The following CNTNAP2 variants were observed in gnomAD, a reference collection of about 807,000 sequenced individuals.
CNTNAP2 encodes the protein contactin-associated protein-like 2.
Under a neutral mutation model 155.2 loss-of-function variants are expected in CNTNAP2, and 98 were observed. The observed-to-expected ratio is 0.63, with a 90% CI of 0.54 to 0.75. CNTNAP2 has a LOEUF of 0.75. CNTNAP2 is among the 30% of genes least tolerant of loss of function. The pLI is 0.00. For missense variants in CNTNAP2, 1,727 were observed against 1,688.1 expected, an observed-to-expected ratio of 1.02 and a Z score of -0.40; for synonymous variants, 651 against 631.2, an observed-to-expected ratio of 1.03 and a Z score of -0.47.
chr7:146,472,311 C>T (rs1796811494), intron 1 of CNTNAP2, among the ~76,000 whole-genome samples: 1 of 152,146 alleles, frequency 6.6e-6, no homozygotes, highest in Non-Finnish European at 1.5e-5. Context: ...GTATATTCTG[C>T]ATCCAAATAA....
At chr7:146,673,014 A>G (rs1800335731) in intron 1 of CNTNAP2, among the ~76,000 whole-genome samples, 1 of 152,074 alleles carries the variant, frequency 6.6e-6, no homozygotes, top group African/African-American at 2.4e-5. Context: ...TTTTCTTATC[A>G]AAATTCTTCC....
chr7:147,154,138 G>T (rs901491451), intron 8 of CNTNAP2, among the ~76,000 whole-genome samples: 1 of 151,810 alleles, frequency 6.6e-6, no homozygotes, highest in Admixed American at 6.6e-5. Flanking sequence ...TTACCCACTA[G>T]ATGTAATAAC....
In CNTNAP2 at chr7:148,390,022, C is replaced by T. The variant is rs370906336; in HGVS notation, c.3715+6134C>T. Among the ~76,000 whole-genome samples, 19 of 152,056 alleles carry T rather than the reference C, an allele frequency of 1.2e-4. 1 individual carries two copies. The highest frequency in any genetic ancestry group is 4.6e-4 in the African/African-American group (19 of 41,476). Reference sequence around the variant, plus strand: ...GTGACCAAGGTCAAGAATCACTCACCAAATGAAAGAAGGGTCCCTTTGGTA... The same window carrying T: ...GTGACCAAGGTCAAGAATCACTCACTAAATGAAAGAAGGGTCCCTTTGGTA... On this transcript the variant is annotated intron_variant, in intron 22 of 23. Coordinates refer to ENST00000361727, the MANE Select transcript of CNTNAP2 (RefSeq NM_014141.6).
intron 15 of CNTNAP2, among the ~76,000 whole-genome samples, chr7:147,980,365 A>G (rs1438089842): frequency 2.0e-5 from 3 of 152,224 alleles, no homozygotes; most frequent in African/African-American, 7.2e-5. Context: ...ACCTATTATC[A>G]AAATAAACTT....
chr7:146,973,533 T>C (rs1797846578), intron 3 of CNTNAP2, among the ~76,000 whole-genome samples: 1 of 152,226 alleles, frequency 6.6e-6, no homozygotes, highest in African/African-American at 2.4e-5. Flanking sequence ...ATATTGACTT[T>C]TAAGGATAAT....
chr7:146,622,484 T>C (rs953943139), intron 1 of CNTNAP2, among the ~76,000 whole-genome samples: 1 of 152,122 alleles, frequency 6.6e-6, no homozygotes, highest in Non-Finnish European at 1.5e-5. Context: ...TGCATATCTA[T>C]AAATTTCTAT....
At chr7:146,776,514 G>A (rs988528237) in intron 2 of CNTNAP2, among the ~76,000 whole-genome samples, 1 of 152,170 alleles carries the variant, frequency 6.6e-6, no homozygotes, top group Admixed American at 6.5e-5. Context: ...TCGACTAAAC[G>A]ATGTAGGAGC....
intron 8 of CNTNAP2, among the ~76,000 whole-genome samples, chr7:147,141,656 T>C (rs1801600325): frequency 6.6e-6 from 1 of 152,110 alleles, no homozygotes; most frequent in African/African-American, 2.4e-5. Flanking sequence ...CTAAAGTCAC[T>C]AACCTTGGCC....
chr7:147,413,399 G>A (rs1797136211), intron 10 of CNTNAP2, among the ~76,000 whole-genome samples: 1 of 152,146 alleles, frequency 6.6e-6, no homozygotes. Context: ...AGGAAAATGA[G>A]AATGTGGTAG....
chr7:146,906,213 C>T (rs1049535833), intron 3 of CNTNAP2, among the ~76,000 whole-genome samples: 15 of 151,452 alleles, frequency 9.9e-5, no homozygotes, highest in East Asian at 3.9e-4. Flanking sequence ...AAGGCGGCAG[C>T]GAGGCTGGGG....
At chr7:147,380,647 A>G (rs1281799034) in intron 9 of CNTNAP2, among the ~76,000 whole-genome samples, 2 of 152,152 alleles carry the variant, frequency 1.3e-5, no homozygotes, top group African/African-American at 2.4e-5. Context: ...TGGCTCGCCA[A>G]TTTCAAAGCA....
chr7:147,096,492 G>A (rs1360874161), intron 4 of CNTNAP2, among the ~76,000 whole-genome samples: 1 of 152,038 alleles, frequency 6.6e-6, no homozygotes, highest in Non-Finnish European at 1.5e-5. Flanking sequence ...TCTCTTTTTG[G>A]TTGATTTTCT....
chr7:146,696,008 C>T (rs1421073374), intron 1 of CNTNAP2, among the ~76,000 whole-genome samples: 1 of 152,064 alleles, frequency 6.6e-6, no homozygotes, highest in East Asian at 1.9e-4. Context: ...CATTTCTTAA[C>T]AGATCTTAGT....
At chr7:146,675,057 C>G (rs1800374022) in intron 1 of CNTNAP2, among the ~76,000 whole-genome samples, 1 of 152,104 alleles carries the variant, frequency 6.6e-6, no homozygotes, top group Non-Finnish European at 1.5e-5. Flanking sequence ...CTCTTTCACC[C>G]CAACCAACAA....
intron 13 of CNTNAP2, among the ~76,000 whole-genome samples, chr7:147,736,297 A>T (rs1396460147): frequency 1.3e-5 from 2 of 151,876 alleles, no homozygotes; most frequent in South Asian, 2.1e-4. Flanking sequence ...GTTTGTCTGG[A>T]TGTGAAATTC....
At chr7:146,382,048 T>A (rs1480490445) in intron 1 of CNTNAP2, among the ~76,000 whole-genome samples, 2 of 152,166 alleles carry the variant, frequency 1.3e-5, no homozygotes, top group Non-Finnish European at 1.5e-5. Context: ...TTTGGTAGCA[T>A]TAAAGAAAGC....
intron 10 of CNTNAP2, among the ~76,000 whole-genome samples, chr7:147,398,491 T>C (rs976686449): frequency 1.3e-5 from 2 of 151,004 alleles, no homozygotes; most frequent in Non-Finnish European, 2.9e-5. Flanking sequence ...TTGGAGATAA[T>C]AGTCACAGCT....
intron 13 of CNTNAP2, among the ~76,000 whole-genome samples, chr7:147,773,110 G>T (rs989955498): frequency 6.6e-6 from 1 of 152,138 alleles, no homozygotes; most frequent in Non-Finnish European, 1.5e-5. Flanking sequence ...CCTAGCAGAA[G>T]GCCTAGCATG....
chr7:146,855,859 TTACA>T (rs1188090295), intron 3 of CNTNAP2, among the ~76,000 whole-genome samples: 1 of 114,648 alleles, frequency 8.7e-6, no homozygotes. Flanking sequence ...ATATACACAC[TTACA>T]TACTACATGC....
Sources: allele counts gnomAD v4.1 joint callset (sites outside exome capture counted in the v4.1 genomes callset), GRCh38; gene constraint gnomAD v4.1.1; transcripts MANE v1.5; gene names NCBI Gene and HGNC (gene_info 2026-07-23, HGNC 2026-07-21).